EHBP1: variants seen among roughly 807,000 people sequenced by gnomAD.
EHBP1 encodes EH domain-binding protein 1.
A neutral mutation model predicts 144.0 loss-of-function variants in EHBP1; 55 were observed. The ratio of observed to expected loss-of-function variants is 0.38; its 90% confidence interval spans 0.31 to 0.48. The LOEUF is 0.48. Ranked by LOEUF, EHBP1 falls within the 20% of genes least tolerant of loss-of-function variation. The pLI, the probability that EHBP1 is intolerant of heterozygous loss-of-function variation, is 0.98. For missense variants in EHBP1, 1,200 were observed against 1,364.2 expected (o/e 0.88, Z 1.90); for synonymous variants, 469 against 472.7 (o/e 0.99, Z 0.10).
At position 62,854,783 on chromosome 2, in the gene EHBP1, T is replaced by TGTC. The variant is rs748349237; in HGVS notation, c.635-4382_635-4380dup. 5.3e-5 allele frequency among the ~76,000 whole-genome samples: 8 copies of TGTC among 152,306 alleles called. No individual in the cohort carries two copies. In the East Asian group the frequency reaches 7.7e-4, roughly 15 times the overall value. ...GCGGTGGGCCGTCTGGAGTGGTGGC[T>TGTC]GTCGTCATGCCTGCTACAGCAGGGA... is the stretch of plus-strand genomic sequence containing the variant. On this transcript the variant is annotated intron_variant, in intron 7 of 22. Coordinates refer to ENST00000431489, the MANE Select transcript of EHBP1 (RefSeq NM_001142616.3).
rs2050729694 is a variant in EHBP1 at position 62,874,486 on chromosome 2, A to G, written c.1139A>G (p.Asn380Ser). 1 of 1,609,088 alleles carries G rather than the reference A, an allele frequency of 6.2e-7. No individual in the cohort carries two copies. Among genetic ancestry groups the G allele is most frequent in the Admixed American group, 1.7e-5 (1 of 59,240 alleles). ...PVLSPKTGVLNENTVSAGKDL... is the reference protein window; with the variant it reads ...PVLSPKTGVLSENTVSAGKDL... ...CTCTCACCAAAAACAGGAGTATTAA[A>G]TGAAAACACAGTTTCTGCAGGAAAA... Residue 380 changes from asparagine (N) to serine (S), a missense_variant, in exon 10 of 23, where the codon AAT (asparagine) becomes AGT (serine). Physicochemically the swap from Asn to Ser is conservative, Grantham distance 46. This residue lies in a region of EHBP1 where 266 missense variants were observed against 262.4 expected (regional missense o/e 1.01). Transcript: ENST00000431489.
chr2:62,784,789 A>G (rs879578050), intron 5 of EHBP1, among the ~76,000 whole-genome samples: 12 of 152,194 alleles, frequency 7.9e-5, no homozygotes, highest in Non-Finnish European at 1.0e-4. Context: ...GGGTAAGACT[A>G]TGGATGGCCT....
intron 5 of EHBP1, among the ~76,000 whole-genome samples, chr2:62,786,199 G>T (rs1021899069): frequency 3.9e-5 from 6 of 152,180 alleles, no homozygotes; most frequent in Admixed American, 2.0e-4. Context: ...TAGAACATGA[G>T]GGGAGGAAGG....
At chr2:63,018,200 G>A (rs1046915363) in intron 19 of EHBP1, among the ~76,000 whole-genome samples, 1 of 152,104 alleles carries the variant, frequency 6.6e-6, no homozygotes, top group East Asian at 1.9e-4. Context: ...TATATTTAAG[G>A]TGCTTATAGT....
chr2:62,745,532 A>G lies in EHBP1; in HGVS notation c.105-1863A>G, dbSNP rs1268435977. 3.3e-5 allele frequency among the ~76,000 whole-genome samples: 5 copies of G among 152,016 alleles called. No individual in the cohort carries two copies. The East Asian group carries it at 9.6e-4, about 29-fold the overall frequency. ...GTTTTTTTAAACATTGTAACATTGCAAAGATGTGAAGAAATGAAGAAATAT... is the reference window on the plus strand; with the variant it reads ...GTTTTTTTAAACATTGTAACATTGCGAAGATGTGAAGAAATGAAGAAATAT... On this transcript the variant is annotated intron_variant, in intron 2 of 22. Coordinates refer to ENST00000431489, the MANE Select transcript of EHBP1 (RefSeq NM_001142616.3).
intron 10 of EHBP1, among the ~76,000 whole-genome samples, chr2:62,882,610 C>A (rs953608560): frequency 2.0e-5 from 3 of 152,126 alleles, no homozygotes; most frequent in African/African-American, 7.2e-5. Context: ...GGGCCGGGTG[C>A]GGTGGCTCAC....
chr2:62,784,854 C>A (rs2042696467), intron 5 of EHBP1, among the ~76,000 whole-genome samples: 1 of 152,192 alleles, frequency 6.6e-6, no homozygotes, highest in Non-Finnish European at 1.5e-5. Context: ...GGATCCCAAA[C>A]TTGGCTGCCT....
At chr2:62,977,032 G>C (rs1211793896) in intron 14 of EHBP1, among the ~76,000 whole-genome samples, 3 of 150,920 alleles carry the variant, frequency 2.0e-5, no homozygotes, top group Admixed American at 6.6e-5. Flanking sequence ...TCTTAGTTTT[G>C]TATCTCACTA....
chr2:63,045,615 C>A lies in EHBP1; in HGVS notation c.*115C>A. ...TAACATTTTGTTTGGCTGGATTGTA[C>A]TACTTTACCTCTACTTTACCACCAC... On this transcript the variant is annotated 3_prime_UTR_variant, in exon 23 of 23. Transcript: ENST00000431489. This position sits in a 1 kb window ranked among gnomAD's most constrained non-coding sequence, Gnocchi z 5.7. The A allele has an allele frequency of 1.3e-6, 1 of 797,398 alleles. No individual in the cohort carries two copies. The allele number at this position is 797,398 out of a possible 1,614,324, so 49.4% of individuals were successfully genotyped here.
chr2:62,832,503 G>A (rs896209738), intron 7 of EHBP1, among the ~76,000 whole-genome samples: 1 of 141,062 alleles, frequency 7.1e-6, no homozygotes, highest in Non-Finnish European at 1.5e-5. Flanking sequence ...AAGTCTATCA[G>A]CTTAGTCTGT....
intron 19 of EHBP1, among the ~76,000 whole-genome samples, chr2:63,005,049 A>C (rs1275529741): frequency 6.6e-6 from 1 of 152,106 alleles, no homozygotes; most frequent in Non-Finnish European, 1.5e-5. Flanking sequence ...AAAATGATCC[A>C]ATTTCTGAAT....
intron 7 of EHBP1, among the ~76,000 whole-genome samples, chr2:62,854,240 A>G (rs769842347): frequency 2.0e-5 from 3 of 152,234 alleles, no homozygotes; most frequent in Non-Finnish European, 4.4e-5. Context: ...TTGATGTTCT[A>G]TCCAGGCCAT....
chr2:62,683,967 C>T (rs1294734137), intron 1 of EHBP1, among the ~76,000 whole-genome samples: 1 of 152,164 alleles, frequency 6.6e-6, no homozygotes, highest in Non-Finnish European at 1.5e-5. Flanking sequence ...TCTGGATAGT[C>T]TTTAGTCCAA....
chr2:62,821,014 A>G (rs2045944309), intron 5 of EHBP1, among the ~76,000 whole-genome samples: 1 of 151,540 alleles, frequency 6.6e-6, no homozygotes, highest in Non-Finnish European at 1.5e-5. Context: ...TGTATATTTC[A>G]TAATTTTAAA....
At chr2:63,044,642 T>G (rs1260833623) in intron 21 of EHBP1, 1 of 155,332 alleles carries the variant, frequency 6.4e-6, no homozygotes, top group East Asian at 1.9e-4. Context: ...GGATAGGTTC[T>G]CAGGCAGATT....
At chr2:62,812,939 C>T (rs904352451) in intron 5 of EHBP1, among the ~76,000 whole-genome samples, 1 of 152,112 alleles carries the variant, frequency 6.6e-6, no homozygotes, top group African/African-American at 2.4e-5. Flanking sequence ...GCTAAGCAAC[C>T]ACTTACTAAG....
chr2:62,841,168 G>T (rs1255285573), intron 7 of EHBP1, among the ~76,000 whole-genome samples: 1 of 152,128 alleles, frequency 6.6e-6, no homozygotes. Context: ...CCATAAAAAA[G>T]GGTGAGTTCA....
chr2:62,813,258 A>G (rs1573487731), intron 5 of EHBP1, among the ~76,000 whole-genome samples: 1 of 152,156 alleles, frequency 6.6e-6, no homozygotes, highest in East Asian at 1.9e-4. Context: ...TGCAGGCTCA[A>G]CCGGTAGGCC....
intron 3 of EHBP1, among the ~76,000 whole-genome samples, chr2:62,753,463 T>A (rs2039954490): frequency 6.6e-6 from 1 of 152,126 alleles, no homozygotes; most frequent in Non-Finnish European, 1.5e-5. Flanking sequence ...CTTTGGTGAG[T>A]CTGACAATTA....
Sources: allele counts gnomAD v4.1 joint callset (sites outside exome capture counted in the v4.1 genomes callset), GRCh38; gene constraint gnomAD v4.1.1; regional missense constraint gnomAD v4.1.1; non-coding constraint Gnocchi (gnomAD v3.1); transcripts MANE v1.5; gene names NCBI Gene and HGNC (gene_info 2026-07-23, HGNC 2026-07-21).